Variants in SARDH observed in about 807,000 individuals in gnomAD.
SARDH encodes the protein sarcosine dehydrogenase, mitochondrial.
In SARDH, 95 loss-of-function variants were observed where a neutral mutation model predicts 109.1. The observed-to-expected ratio is 0.87, with a 90% CI of 0.74 to 1.03. SARDH has a LOEUF of 1.03. Among genes scored for constraint, SARDH ranks in the 50% least tolerant of loss-of-function variants. SARDH has a pLI of 0.00. For missense variants in SARDH, 1,267 were observed against 1,287.8 expected, an observed-to-expected ratio of 0.98 and a Z score of 0.25; for synonymous variants, 572 against 534.8, an observed-to-expected ratio of 1.07 and a Z score of -0.96.
chr9:133,721,645 C>A (rs879272935), intron 6 of SARDH, among the ~76,000 whole-genome samples: 2 of 152,052 alleles, frequency 1.3e-5, no homozygotes, highest in Non-Finnish European at 2.9e-5. Context: ...GACTTGGGGG[C>A]GTTAGGTGGT....
intron 8 of SARDH, among the ~76,000 whole-genome samples, chr9:133,715,225 C>G (rs578196285): frequency 1.3e-5 from 2 of 152,216 alleles, no homozygotes; most frequent in Non-Finnish European, 2.9e-5. Flanking sequence ...GTCTCCCATC[C>G]AGCCGACAGA....
chr9:133,714,724 G>A (rs1419714024), intron 8 of SARDH, among the ~76,000 whole-genome samples: 1 of 152,158 alleles, frequency 6.6e-6, no homozygotes, highest in African/African-American at 2.4e-5. Context: ...AGGCTGCAGG[G>A]AGCCAAAATC....
Position 133,732,438 on chromosome 9 carries a change from G to C in SARDH, c.495C>G (p.Tyr165Ter). ...IASNRQRLDEYKRLMSLGKAY... is the reference protein window; with the variant it reads ...IASNRQRLDE Reference sequence around the variant, plus strand: ...GAGCACACACCGACATGAGCCTCTTGTACTCGTCCAGGCGCTGCCGGTTGG... The same window carrying C: ...GAGCACACACCGACATGAGCCTCTTCTACTCGTCCAGGCGCTGCCGGTTGG... Residue 165 changes from tyrosine to a stop codon, truncating the protein, a stop_gained, in exon 3 of 21, where the codon TAC (tyrosine) becomes TAG (stop). Coordinates refer to ENST00000439388, the MANE Select transcript of SARDH (RefSeq NM_001134707.2). LOFTEE classifies it high-confidence loss of function. 1 of 1,585,334 alleles carries C rather than the reference G, an allele frequency of 6.3e-7. No homozygotes were observed. Among genetic ancestry groups the C allele is most frequent in the Non-Finnish European group, 8.6e-7 (1 of 1,163,548 alleles).
At chr9:133,697,918 A>G (rs2502741) in intron 13 of SARDH, among the ~76,000 whole-genome samples, 70,008 of 150,604 alleles carry the variant, frequency 0.46, 16,388 homozygotes, top group Non-Finnish European at 0.49. Flanking sequence ...GAAAAGAAAA[A>G]TAAAAGGCAT....
intron 6 of SARDH, among the ~76,000 whole-genome samples, chr9:133,724,959 C>A (rs1019948648): frequency 4.6e-5 from 7 of 152,132 alleles, no homozygotes; most frequent in African/African-American, 1.7e-4. Context: ...TTCACAGCAG[C>A]ACTATTCAAA....
chr9:133,717,569 T>C (rs775681093), intron 7 of SARDH, 114 bp from the exon 8 acceptor site: 20 of 1,429,602 alleles, frequency 1.4e-5, no homozygotes, highest in Middle Eastern at 2.3e-4. Context: ...TCAGATGCAT[T>C]AGAGGGCTGG....
Position 133,712,737 on chromosome 9 carries a change from G to C in SARDH, c.1238-28C>G, listed in dbSNP as rs761172962. On this transcript the variant is annotated intron_variant, in intron 9 of 20. Transcript: ENST00000439388. This position sits in a 1 kb window ranked among gnomAD's most constrained non-coding sequence, Gnocchi z 4.1. ...GGCAGGAAGAGAAGCGCAGGGCTGC[G>C]GTCTGCCCCCCAGGGTCCCCCACCC... 6.3e-7 allele frequency: 1 copy of C among 1,597,206 alleles called. No homozygotes were observed. Among genetic ancestry groups the C allele is most frequent in the Non-Finnish European group, 8.5e-7 (1 of 1,174,330 alleles).
At chr9:133,679,151 C>A (rs1830611093) in intron 17 of SARDH, among the ~76,000 whole-genome samples, 1 of 152,232 alleles carries the variant, frequency 6.6e-6, no homozygotes, top group African/African-American at 2.4e-5. Context: ...AACAGCTCGA[C>A]CCGTGACAGG....
At chr9:133,685,069 G>T in intron 17 of SARDH, 124 bp downstream of exon 17, 3 of 739,910 alleles carry the variant, frequency 4.1e-6, no homozygotes, top group Non-Finnish European at 6.6e-6. Flanking sequence ...CTTCACAGTT[G>T]GGGACCGAGG....
rs1479290628 is a variant in SARDH, at chr9:133,693,623, C to T, written c.1921+635G>A. On this transcript the variant is annotated intron_variant, in intron 15 of 20. Coordinates refer to ENST00000439388, the MANE Select transcript of SARDH (RefSeq NM_001134707.2). This position sits in a 1 kb window ranked among gnomAD's most constrained non-coding sequence, Gnocchi z 5.6. ...TCCCTGGTGGGGATGGGTTACAGGA[C>T]GAGAGATCAGATGGCTCCTGTGTGA... Among the ~76,000 whole-genome samples the T allele has an allele frequency of 2.0e-5, 3 of 152,252 alleles. No individual in the cohort carries two copies. The highest frequency in any genetic ancestry group is 2.1e-4 in the South Asian group (1 of 4,830).
chr9:133,737,608 C>A (rs1832927858), intron 1 of SARDH, among the ~76,000 whole-genome samples: 1 of 152,166 alleles, frequency 6.6e-6, no homozygotes, highest in Admixed American at 6.5e-5. Context: ...CAGCTGTGGG[C>A]AAAAGCCTCC....
chr9:133,677,136 C>T (rs932859388), intron 17 of SARDH, among the ~76,000 whole-genome samples: 3 of 152,100 alleles, frequency 2.0e-5, no homozygotes, highest in Non-Finnish European at 2.9e-5. Flanking sequence ...GAGACTCCAT[C>T]GCAAATACAT....
At chr9:133,708,523 T>G in intron 10 of SARDH, 95 bp from the exon 11 acceptor site, 1 of 1,445,160 alleles carries the variant, frequency 6.9e-7, no homozygotes, top group Non-Finnish European at 9.2e-7. Flanking sequence ...CCCGGTCCCC[T>G]GCACCAGAGT....
At position 133,732,431 on chromosome 9, in the gene SARDH, GCCTCTTGTA is replaced by G; in HGVS notation, c.493_501del (p.Tyr165_Arg167del). On this transcript the variant is annotated inframe_deletion, in exon 3 of 21. Coordinates refer to ENST00000439388, the MANE Select transcript of SARDH (RefSeq NM_001134707.2). ...CGCAGGGGAGCACACACCGACATGA[GCCTCTTGTA>G]CTCGTCCAGGCGCTGCCGGTTGGAC... 6.9e-7 allele frequency: 1 copy of G among 1,459,678 alleles called. No individual in the cohort carries two copies. Among genetic ancestry groups the G allele is most frequent in the Non-Finnish European group, 9.2e-7 (1 of 1,082,820 alleles). The allele number at this position is 1,459,678 out of a possible 1,614,324, so 90.4% of individuals were successfully genotyped here.
chr9:133,734,443 A>AC (rs1832812397), intron 1 of SARDH, among the ~76,000 whole-genome samples: 3 of 140,016 alleles, frequency 2.1e-5, no homozygotes, highest in Non-Finnish European at 4.7e-5. Flanking sequence ...TCATTCACTC[A>AC]TTCATTCATT....
chr9:133,736,373 G>GCTT (rs879382843), intron 1 of SARDH, among the ~76,000 whole-genome samples: 2 of 137,044 alleles, frequency 1.5e-5, no homozygotes, highest in Non-Finnish European at 3.3e-5. Flanking sequence ...TTTAAATTCT[G>GCTT]TTTTGTTGTT....
intron 13 of SARDH, among the ~76,000 whole-genome samples, chr9:133,699,366 C>T (rs10993769): frequency 0.28 from 42,088 of 151,870 alleles, 6,947 homozygotes; most frequent in East Asian, 0.43. Context: ...ATTAGCTGGG[C>T]GTGGTGGTGT....
intron 2 of SARDH, 70 bp downstream of exon 2, chr9:133,733,773 G>C: frequency 7.5e-7 from 1 of 1,341,296 alleles, no homozygotes; most frequent in Non-Finnish European, 9.8e-7. Context: ...AACTGTCCCA[G>C]CTAGCAATGG....
At chr9:133,715,718 C>T (rs1431398981) in intron 8 of SARDH, among the ~76,000 whole-genome samples, 2 of 152,190 alleles carry the variant, frequency 1.3e-5, no homozygotes, top group Non-Finnish European at 2.9e-5. Flanking sequence ...CCGCTTTGTG[C>T]CGCCCACCTC....
Sources: gnomAD v4.1 joint callset for allele counts (sites outside exome capture counted in the v4.1 genomes callset) on GRCh38, gnomAD v4.1.1 for gene constraint, Gnocchi (gnomAD v3.1) non-coding constraint, MANE v1.5 for transcripts, NCBI Gene and HGNC (gene_info 2026-07-23, HGNC 2026-07-21) for gene names.